The following OSBPL10 variants were observed in gnomAD, a reference collection of about 807,000 sequenced individuals.
The protein encoded by OSBPL10 is oxysterol-binding protein-related protein 10.
Under a neutral mutation model 81.7 loss-of-function variants are expected in OSBPL10, and 49 were observed. That is an observed-to-expected ratio of 0.60 (90% CI 0.48 to 0.76). The LOEUF is 0.76. Ranked by LOEUF, OSBPL10 falls within the 30% of genes least tolerant of loss-of-function variation. The probability of loss-of-function intolerance (pLI) is 0.00; values close to 1 mark genes in which losing one functional copy is unlikely to be tolerated. For missense variants in OSBPL10, 923 were observed against 987.8 expected (o/e 0.93, Z 0.88); for synonymous variants, 419 against 383.6 (o/e 1.09, Z -1.08).
chr3:31,697,865 C>T lies in OSBPL10; in HGVS notation c.1245+4494G>A, dbSNP rs185640381. Among the ~76,000 whole-genome samples, 440 of 152,074 alleles carry T rather than the reference C, an allele frequency of 2.9e-3. 2 individuals carry two copies. The highest frequency in any genetic ancestry group is 0.01 in the African/African-American group (416 of 41,476). Reference sequence around the variant, plus strand: ...GCAACCTCCGCCTCCCGAGTTCAAGCGATTCTCCTGCCTCAGCCTCCCAAG... The same window carrying T: ...GCAACCTCCGCCTCCCGAGTTCAAGTGATTCTCCTGCCTCAGCCTCCCAAG... On this transcript the variant is annotated intron_variant, in intron 7 of 11. Coordinates refer to ENST00000396556, the MANE Select transcript of OSBPL10 (RefSeq NM_017784.5).
chr3:31,935,580 GTGGTA>G (rs1173973134), intron 1 of OSBPL10, among the ~76,000 whole-genome samples: 6 of 151,146 alleles, frequency 4.0e-5, no homozygotes, highest in Non-Finnish European at 4.4e-5. Context: ...CTGGAGTGCA[GTGGTA>G]TGATCTTGGC....
chr3:31,846,684 A>C (rs1349264836), intron 3 of OSBPL10, among the ~76,000 whole-genome samples: 1 of 152,048 alleles, frequency 6.6e-6, no homozygotes, highest in Non-Finnish European at 1.5e-5. Context: ...GGGAACAATT[A>C]ATCTAGTGCT....
chr3:32,033,549 A>C (rs773490156), intron 2 of OSBPL10, among the ~76,000 whole-genome samples: 16 of 152,190 alleles, frequency 1.1e-4, no homozygotes, highest in Non-Finnish European at 2.1e-4. Context: ...CCAGATACAA[A>C]TTTATTGTCA....
At chr3:31,976,502 G>A (rs866882365) in intron 1 of OSBPL10, among the ~76,000 whole-genome samples, 22 of 152,198 alleles carry the variant, frequency 1.4e-4, no homozygotes, top group African/African-American at 5.3e-4. Flanking sequence ...GCTCAGGCTG[G>A]AGTCCAGTGG....
intron 1 of OSBPL10, among the ~76,000 whole-genome samples, chr3:32,070,215 G>T (rs1156289820): frequency 6.6e-6 from 1 of 152,130 alleles, no homozygotes; most frequent in South Asian, 2.1e-4. Flanking sequence ...CTTTTCAAGG[G>T]CCTGTTTTCC....
intron 7 of OSBPL10, among the ~76,000 whole-genome samples, chr3:31,685,999 G>T (rs116386256): frequency 1.3e-5 from 2 of 152,248 alleles, no homozygotes; most frequent in East Asian, 1.9e-4. Context: ...CTTCAGGAGC[G>T]AGTTCTCACT....
chr3:31,820,034 A>G (rs1226760690), intron 4 of OSBPL10, among the ~76,000 whole-genome samples: 2 of 149,662 alleles, frequency 1.3e-5, no homozygotes, highest in Admixed American at 6.6e-5. Context: ...TAGATCTCCT[A>G]TGGTTCTGTT....
intron 4 of OSBPL10, among the ~76,000 whole-genome samples, chr3:31,783,111 TTATATATATATATATA>T (rs56846176): frequency 0.022 from 2,710 of 121,564 alleles, 72 homozygotes; most frequent in Middle Eastern, 0.031. Flanking sequence ...AATATATCTA[TTATATATATATATATA>T]TATATATATA....
intron 1 of OSBPL10, among the ~76,000 whole-genome samples, chr3:31,936,723 A>C (rs1697387682): frequency 6.6e-6 from 1 of 152,180 alleles, no homozygotes; most frequent in Non-Finnish European, 1.5e-5. Context: ...CAAATACATA[A>C]AACTTCCATG....
chr3:32,064,785 C>T (rs1237062438), intron 1 of OSBPL10: 1 of 93,068 alleles, frequency 1.1e-5, no homozygotes, highest in East Asian at 2.5e-4. Context: ...GGAAGTGCTA[C>T]ATAACTGCTG....
chr3:31,691,500 G>A (rs1327623775), intron 7 of OSBPL10, among the ~76,000 whole-genome samples: 5 of 152,098 alleles, frequency 3.3e-5, no homozygotes, highest in South Asian at 4.1e-4. Flanking sequence ...TGGGAGGATC[G>A]CTTCAGCCCT....
intron 4 of OSBPL10, among the ~76,000 whole-genome samples, chr3:31,788,375 C>T (rs1267042326): frequency 1.3e-5 from 2 of 152,072 alleles, no homozygotes; most frequent in Non-Finnish European, 2.9e-5. Flanking sequence ...TGATAGAAGC[C>T]TCATTTTCCT....
chr3:31,825,397 T>C lies in OSBPL10; in HGVS notation c.729+4643A>G, dbSNP rs1024673343. Among the ~76,000 whole-genome samples, 5 of 152,218 alleles carry C rather than the reference T, an allele frequency of 3.3e-5. No homozygotes were observed. The South Asian group carries it at 6.2e-4, about 19-fold the overall frequency. On this transcript the variant is annotated intron_variant, in intron 4 of 11. Coordinates refer to ENST00000396556, the MANE Select transcript of OSBPL10 (RefSeq NM_017784.5). ...AGTGCAGTGGGGCAATCGTTGCTCA[T>C]TGCAACTTCAAACACCTGGGCTCAA... is the stretch of plus-strand genomic sequence containing the variant.
chr3:31,676,078 T>C (rs767590384), intron 8 of OSBPL10, among the ~76,000 whole-genome samples: 8 of 152,094 alleles, frequency 5.3e-5, no homozygotes, highest in Non-Finnish European at 1.0e-4. Context: ...CTCCCATTTT[T>C]CTTCAGAAAA....
intron 7 of OSBPL10, among the ~76,000 whole-genome samples, chr3:31,693,909 A>G (rs1032102239): frequency 1.3e-5 from 2 of 152,162 alleles, no homozygotes; most frequent in Non-Finnish European, 2.9e-5. Context: ...CTGGGAACAT[A>G]GGTGTGTGTT....
At chr3:31,849,848 G>A (rs1266073615) in intron 3 of OSBPL10, among the ~76,000 whole-genome samples, 2 of 152,012 alleles carry the variant, frequency 1.3e-5, no homozygotes, top group Non-Finnish European at 2.9e-5. Flanking sequence ...GACCAGCCTG[G>A]GCAACATAGT....
chr3:31,745,406 A>G (rs1419844726), intron 5 of OSBPL10, among the ~76,000 whole-genome samples: 1 of 152,248 alleles, frequency 6.6e-6, no homozygotes, highest in African/African-American at 2.4e-5. Flanking sequence ...AGCAAACATC[A>G]TAACATGTTA....
At chr3:32,072,793 C>G (rs1699841385) in intron 1 of OSBPL10, among the ~76,000 whole-genome samples, 1 of 152,184 alleles carries the variant, frequency 6.6e-6, no homozygotes, top group Non-Finnish European at 1.5e-5. Flanking sequence ...TGGGTAGACA[C>G]TTTCACTGGA....
chr3:31,751,165 C>T (rs1301425131), intron 4 of OSBPL10, among the ~76,000 whole-genome samples: 2 of 151,752 alleles, frequency 1.3e-5, no homozygotes, highest in Non-Finnish European at 2.9e-5. Context: ...CAAAAACAAA[C>T]AAACAACAAC....
Sources: allele counts gnomAD v4.1 joint callset (sites outside exome capture counted in the v4.1 genomes callset), GRCh38; gene constraint gnomAD v4.1.1; transcripts MANE v1.5; gene names NCBI Gene and HGNC (gene_info 2026-07-23, HGNC 2026-07-21).